Variants in CDH22 observed in about 807,000 individuals in gnomAD.
CDH22 encodes the protein cadherin 22.
In CDH22, 30 loss-of-function variants were observed where a neutral mutation model predicts 58.4. That is an observed-to-expected ratio of 0.51 (90% CI 0.38 to 0.70). The LOEUF is 0.70. Ranked by LOEUF, CDH22 falls within the 30% of genes least tolerant of loss-of-function variation. The probability of loss-of-function intolerance (pLI) is 0.00; values close to 1 mark genes in which losing one functional copy is unlikely to be tolerated. For synonymous variants in CDH22, 513 were observed against 558.2 expected (o/e 0.92, Z 1.14); for missense variants, 1,014 against 1,233.9 (o/e 0.82, Z 2.67).
intron 1 of CDH22, among the ~76,000 whole-genome samples, chr20:46,297,489 C>G (rs934605725): frequency 2.6e-5 from 4 of 151,334 alleles, no homozygotes; most frequent in Admixed American, 6.6e-5. Flanking sequence ...TGTGGAGATT[C>G]TGGGGAATTG....
At position 46,240,860 on chromosome 20, in the gene CDH22, T is replaced by C. The variant is rs1455392163; in HGVS notation, c.550+103A>G. 9.2e-6 allele frequency: 10 copies of C among 1,086,228 alleles called. No individual in the cohort carries two copies. The Middle Eastern group carries it at 9.0e-4, about 98-fold the overall frequency. The allele number at this position is 1,086,228 out of a possible 1,614,324, so 67.3% of individuals were successfully genotyped here. The stretch of plus-strand genomic sequence containing the variant: ...CTGTACCCTAGGTCAGCAGGCTCTG[T>C]CTTTTCTGTCCCTCCCCAGAGGATC... On this transcript the variant is annotated intron_variant, in intron 3 of 11. Coordinates refer to ENST00000537909, the MANE Select transcript of CDH22 (RefSeq NM_021248.3).
intron 1 of CDH22, among the ~76,000 whole-genome samples, chr20:46,302,045 T>C (rs977661914): frequency 7.2e-5 from 11 of 152,154 alleles, no homozygotes; most frequent in African/African-American, 2.7e-4. Flanking sequence ...CTGGTCAGAG[T>C]TGGGCCTTAG....
intron 2 of CDH22, among the ~76,000 whole-genome samples, chr20:46,243,691 G>C (rs1228949113): frequency 6.6e-6 from 1 of 152,128 alleles, no homozygotes; most frequent in Non-Finnish European, 1.5e-5. Flanking sequence ...GGATGAGAGG[G>C]GGTGATTCTG....
chr20:46,197,686 C>T (rs1197709513), intron 8 of CDH22, among the ~76,000 whole-genome samples: 1 of 152,234 alleles, frequency 6.6e-6, no homozygotes, highest in Non-Finnish European at 1.5e-5. Flanking sequence ...CCACCACTTC[C>T]TCTCCAGCCA....
rs558975720 is a variant in CDH22, at chr20:46,289,799, C to T, written c.-400+18456G>A. Among the ~76,000 whole-genome samples, 15 of 152,172 alleles carry T rather than the reference C, an allele frequency of 9.9e-5. No homozygotes were observed. In the East Asian group the frequency reaches 2.7e-3, roughly 27 times the overall value. On this transcript the variant is annotated intron_variant, in intron 1 of 11. Coordinates refer to ENST00000537909, the MANE Select transcript of CDH22 (RefSeq NM_021248.3). ...GAGGGGAGGAAGCTAGAAACATGAG[C>T]CAAGGAATCTCTAGAGGCCAGAAGG...
intron 8 of CDH22, among the ~76,000 whole-genome samples, chr20:46,194,088 C>G (rs2085881001): frequency 6.6e-6 from 1 of 152,206 alleles, no homozygotes; most frequent in Non-Finnish European, 1.5e-5. Flanking sequence ...CTGGGTAGGC[C>G]AGTCTCTCCC....
At chr20:46,205,854 C>T (rs553816248) in intron 7 of CDH22, among the ~76,000 whole-genome samples, 29 of 152,314 alleles carry the variant, frequency 1.9e-4, no homozygotes, top group Non-Finnish European at 3.8e-4. Context: ...TGAACTTAAC[C>T]TCCTGGCTCC....
rs111447752 is a variant in CDH22, at chr20:46,268,691, G to C, written c.-399-16998C>G. 2.7e-3 allele frequency among the ~76,000 whole-genome samples: 404 copies of C among 152,330 alleles called. 1 individual carries two copies. The highest frequency in any genetic ancestry group is 9.2e-3 in the African/African-American group (382 of 41,568). ...TTCTCCTAGGATGGGAGAGGGGAGA[G>C]GCCAGAGATGGCAGGAATGGGCTTC... On this transcript the variant is annotated intron_variant, in intron 1 of 11. Transcript: ENST00000537909.
chr20:46,276,495 C>T (rs1331302415), intron 1 of CDH22, among the ~76,000 whole-genome samples: 1 of 152,170 alleles, frequency 6.6e-6, no homozygotes. Flanking sequence ...GGATCATGGA[C>T]ACTAATAACC....
Position 46,216,510 on chromosome 20 carries a change from T to C in CDH22, c.838+316A>G, listed in dbSNP as rs1449789805. On this transcript the variant is annotated intron_variant, in intron 5 of 11. Coordinates refer to ENST00000537909, the MANE Select transcript of CDH22 (RefSeq NM_021248.3). The surrounding 1 kb of genome is among the most constrained non-coding windows in gnomAD (Gnocchi z 5.3). ...GGAGTGGGCAGGGGCCAGTGAGGGG[T>C]TGGAGGATGGACGGAAGGGTGGATG... Among the ~76,000 whole-genome samples, 4 of 150,996 alleles carry C rather than the reference T, an allele frequency of 2.6e-5. No homozygotes were observed. In the East Asian group the frequency reaches 7.8e-4, roughly 29 times the overall value.
chr20:46,286,756 C>T (rs1293872107), intron 1 of CDH22, among the ~76,000 whole-genome samples: 2 of 152,128 alleles, frequency 1.3e-5, no homozygotes, highest in Non-Finnish European at 2.9e-5. Context: ...GGTCTTCCTC[C>T]GTGGCAGCCA....
chr20:46,257,815 A>G (rs1040007198), intron 1 of CDH22, among the ~76,000 whole-genome samples: 3 of 152,196 alleles, frequency 2.0e-5, no homozygotes, highest in African/African-American at 7.2e-5. Flanking sequence ...TTGATGGAGA[A>G]GAGATCTGGG....
Position 46,174,842 on chromosome 20 carries a change from G to C in CDH22, c.2151C>G (p.Gly717=). The change falls in exon 12 of 12, where the codon GGC becomes GGG. Residue 717 remains glycine, a synonymous_variant. Transcript: ENST00000537909. The surrounding 1 kb of genome is among the most constrained non-coding windows in gnomAD (Gnocchi z 4.4). ...GGTGGGCCTGCGGGGGGCTGCCCGC[G>C]CCCCCGCCCGAGCCCCCGCCCGCTC... ...GGGAGGGSGG[G]AGSPPQAHLP... is the part of the protein sequence containing the mutation. 2 of 1,324,328 alleles carry C rather than the reference G, an allele frequency of 1.5e-6. No individual in the cohort carries two copies. The allele number at this position is 1,324,328 out of a possible 1,614,324, so 82.0% of individuals were successfully genotyped here. A position where few individuals can be genotyped will look rare whatever the true frequency, so the allele number is the denominator to read the frequency against.
At chr20:46,240,071 G>C (rs1216456190) in intron 3 of CDH22, among the ~76,000 whole-genome samples, 1 of 151,936 alleles carries the variant, frequency 6.6e-6, no homozygotes, top group Non-Finnish European at 1.5e-5. Flanking sequence ...CTGTGTCTGG[G>C]GGCTTAGCCA....
Position 46,308,348 on chromosome 20 carries a change from C to T in CDH22, c.-493G>A. ...GCGCGGGCAGCGGGCGAGTCCGGAG[C>T]CCCGCGGCCGCCCGCAGGAGCCGGA... is the stretch of plus-strand genomic sequence containing the variant. On this transcript the variant is annotated 5_prime_UTR_variant, in exon 1 of 12. Coordinates refer to ENST00000537909, the MANE Select transcript of CDH22 (RefSeq NM_021248.3). This position sits in a 1 kb window ranked among gnomAD's most constrained non-coding sequence, Gnocchi z 4.3. 5.6e-6 allele frequency: 1 copy of T among 179,962 alleles called. No homozygotes were observed. The highest frequency in any genetic ancestry group is 1.2e-4 in the East Asian group (1 of 8,092). 11.1% of individuals were successfully genotyped at this position (179,962 alleles called of 1,614,324 possible).
intron 1 of CDH22, among the ~76,000 whole-genome samples, chr20:46,276,666 A>G (rs1800752277): frequency 6.6e-6 from 1 of 152,230 alleles, no homozygotes; most frequent in South Asian, 2.1e-4. Context: ...TAAGTGGTGT[A>G]TCCAGCATGC....
intron 10 of CDH22, among the ~76,000 whole-genome samples, chr20:46,178,788 G>A (rs1377101976): frequency 6.6e-6 from 1 of 151,992 alleles, no homozygotes; most frequent in Non-Finnish European, 1.5e-5. Flanking sequence ...GGATCTTTCT[G>A]TCCTTCATAC....
chr20:46,175,178 G>A, intron 11 of CDH22, 101 bp from the exon 12 acceptor site: 1 of 1,165,236 alleles, frequency 8.6e-7, no homozygotes, highest in Middle Eastern at 2.4e-4. Flanking sequence ...CAGCAGAGCG[G>A]GCCCAGCCTC....
At chr20:46,227,952 G>C (rs911399018) in intron 3 of CDH22, among the ~76,000 whole-genome samples, 1 of 150,270 alleles carries the variant, frequency 6.7e-6, no homozygotes, top group African/African-American at 2.5e-5. Context: ...GCAAATCCTA[G>C]TGCTTGGTTC....
Sources: allele counts gnomAD v4.1 joint callset (sites outside exome capture counted in the v4.1 genomes callset), GRCh38; gene constraint gnomAD v4.1.1; non-coding constraint Gnocchi (gnomAD v3.1); transcripts MANE v1.5; gene names NCBI Gene and HGNC (gene_info 2026-07-23, HGNC 2026-07-21).